The following CAMKMT variants were observed in gnomAD, a reference collection of about 807,000 sequenced individuals.
CAMKMT encodes calmodulin-lysine N-methyltransferase, also known as CaM KMT.
Under a neutral mutation model 48.0 loss-of-function variants are expected in CAMKMT, and 53 were observed. The ratio of observed to expected loss-of-function variants is 1.10; its 90% CI spans 0.89 to 1.39. The LOEUF (loss-of-function observed/expected upper bound fraction) is 1.39, where lower values mean the gene tolerates loss of function less well. CAMKMT is among the 40% of genes most tolerant of loss of function. The probability of loss-of-function intolerance (pLI) is 0.00; values close to 1 mark genes in which losing one functional copy is unlikely to be tolerated. For missense variants in CAMKMT, 428 were observed against 402.7 expected, an observed-to-expected ratio of 1.06 and a Z score of -0.54; for synonymous variants, 165 against 152.3, an observed-to-expected ratio of 1.08 and a Z score of -0.61.
intron 3 of CAMKMT, among the ~76,000 whole-genome samples, chr2:44,569,488 T>C (rs1668793659): frequency 1.3e-5 from 2 of 152,244 alleles, no homozygotes; most frequent in Admixed American, 1.3e-4. Context: ...ATCTGTGTAC[T>C]GTTACTATTG....
intron 7 of CAMKMT, among the ~76,000 whole-genome samples, chr2:44,742,101 T>C (rs1011921244): frequency 1.3e-5 from 2 of 152,180 alleles, no homozygotes; most frequent in African/African-American, 2.4e-5. Context: ...AACTCAGGGC[T>C]GTGATGAGGG....
chr2:44,487,724 A>G (rs1669281389), intron 3 of CAMKMT, among the ~76,000 whole-genome samples: 1 of 152,228 alleles, frequency 6.6e-6, no homozygotes, highest in Non-Finnish European at 1.5e-5. Flanking sequence ...CTCAAATGTT[A>G]TCATTTTATG....
At chr2:44,525,902 C>T (rs1671380244) in intron 3 of CAMKMT, among the ~76,000 whole-genome samples, 1 of 151,358 alleles carries the variant, frequency 6.6e-6, no homozygotes, top group Non-Finnish European at 1.5e-5. Flanking sequence ...TACATGTGCA[C>T]AATGTGCAGG....
chr2:44,425,161 AAAAT>A (rs1684197178), intron 3 of CAMKMT, among the ~76,000 whole-genome samples: 1 of 152,322 alleles, frequency 6.6e-6, no homozygotes, highest in Admixed American at 6.5e-5. Flanking sequence ...AAAATAATTA[AAAAT>A]AAACATAAAG....
At chr2:44,492,383 T>G (rs1003486052) in intron 3 of CAMKMT, among the ~76,000 whole-genome samples, 1 of 152,202 alleles carries the variant, frequency 6.6e-6, no homozygotes, top group African/African-American at 2.4e-5. Flanking sequence ...CAATACTTGT[T>G]TCCAACATGG....
At chr2:44,503,832 G>T (rs530814691) in intron 3 of CAMKMT, among the ~76,000 whole-genome samples, 1 of 152,204 alleles carries the variant, frequency 6.6e-6, no homozygotes, top group South Asian at 2.1e-4. Context: ...TAAGATCAAG[G>T]TGCCTCCAGA....
intron 3 of CAMKMT, among the ~76,000 whole-genome samples, chr2:44,429,535 G>A (rs550270867): frequency 6.6e-6 from 1 of 152,148 alleles, no homozygotes; most frequent in East Asian, 1.9e-4. Context: ...TGTTGTTTGA[G>A]ATTGTTACTT....
At chr2:44,538,091 C>T (rs1487450363) in intron 3 of CAMKMT, among the ~76,000 whole-genome samples, 9 of 152,022 alleles carry the variant, frequency 5.9e-5, no homozygotes, top group East Asian at 1.9e-4. Flanking sequence ...AAAATGTGGC[C>T]GGGCGTGGTC....
At chr2:44,562,020 G>C (rs1404302419) in intron 3 of CAMKMT, among the ~76,000 whole-genome samples, 1 of 152,156 alleles carries the variant, frequency 6.6e-6, no homozygotes, top group Non-Finnish European at 1.5e-5. Flanking sequence ...TGGTGGACTT[G>C]CTTGTGACAG....
chr2:44,597,734 T>A (rs72882934), intron 3 of CAMKMT, among the ~76,000 whole-genome samples: 3,808 of 152,270 alleles, frequency 0.025, 143 homozygotes, highest in African/African-American at 0.081. Flanking sequence ...ATTTTTTGTT[T>A]GTTTGTTTGT....
chr2:44,480,429 A>G (rs1668908445), intron 3 of CAMKMT, among the ~76,000 whole-genome samples: 1 of 152,208 alleles, frequency 6.6e-6, no homozygotes. Context: ...TATTGTGTTT[A>G]GTTCAGAGAG....
intron 3 of CAMKMT, among the ~76,000 whole-genome samples, chr2:44,477,024 A>G (rs1668724508): frequency 6.6e-6 from 1 of 152,196 alleles, no homozygotes; most frequent in Admixed American, 6.5e-5. Context: ...CAGAGACATC[A>G]TTACTATGAG....
At chr2:44,622,669 G>T (rs752886650) in intron 3 of CAMKMT, among the ~76,000 whole-genome samples, 24 of 152,204 alleles carry the variant, frequency 1.6e-4, no homozygotes, top group Non-Finnish European at 2.4e-4. Context: ...CAAAGGATAT[G>T]ATTTATTTTT....
At chr2:44,463,879 T>C (rs1243745291) in intron 3 of CAMKMT, among the ~76,000 whole-genome samples, 1 of 152,056 alleles carries the variant, frequency 6.6e-6, no homozygotes, top group Non-Finnish European at 1.5e-5. Flanking sequence ...TATGTAAAGA[T>C]TGGGAGAGGT....
intron 3 of CAMKMT, among the ~76,000 whole-genome samples, chr2:44,565,566 G>C (rs1460205992): frequency 6.6e-6 from 1 of 152,062 alleles, no homozygotes; most frequent in Non-Finnish European, 1.5e-5. Context: ...TTCTAAAGCA[G>C]TTCTTCTAAA....
intron 9 of CAMKMT, among the ~76,000 whole-genome samples, chr2:44,765,951 A>G (rs756448696): frequency 6.6e-6 from 1 of 152,208 alleles, no homozygotes; most frequent in African/African-American, 2.4e-5. Flanking sequence ...ACTTGTCTCT[A>G]TGAAGGATTT....
chr2:44,562,552 A>G (rs2341460), intron 3 of CAMKMT, among the ~76,000 whole-genome samples: 2 of 152,072 alleles, frequency 1.3e-5, no homozygotes, highest in African/African-American at 4.8e-5. Flanking sequence ...GTAAGCCGTG[A>G]CTTCAAAGCC....
intron 3 of CAMKMT, among the ~76,000 whole-genome samples, chr2:44,519,926 A>G (rs1341520980): frequency 6.6e-6 from 1 of 151,968 alleles, no homozygotes; most frequent in South Asian, 2.1e-4. Flanking sequence ...ATTTTAGTTG[A>G]GATGGCCGGG....
intron 3 of CAMKMT, among the ~76,000 whole-genome samples, chr2:44,468,033 C>T (rs903723850): frequency 1.1e-4 from 16 of 152,048 alleles, no homozygotes; most frequent in African/African-American, 2.9e-4. Context: ...AAAGCTTTTG[C>T]ACAACAGAAT....
Sources: gnomAD v4.1 joint callset for allele counts (sites outside exome capture counted in the v4.1 genomes callset) on GRCh38, gnomAD v4.1.1 for gene constraint, MANE v1.5 for transcripts, NCBI Gene and HGNC (gene_info 2026-07-23, HGNC 2026-07-21) for gene names.